Variants in MYO3A observed in about 807,000 individuals in gnomAD.
The protein encoded by MYO3A is myosin-IIIa.
MYO3A carries 180 observed loss-of-function variants against 192.7 expected under a neutral mutation model. The observed-to-expected ratio is 0.93, with a 90% CI of 0.83 to 1.06. MYO3A has a LOEUF of 1.06. Ranked by LOEUF, MYO3A falls within the 50% of genes least tolerant of loss-of-function variation. The pLI is 0.00. For synonymous variants in MYO3A, 628 were observed against 645.3 expected, an observed-to-expected ratio of 0.97 and a Z score of 0.41; for missense variants, 1,896 against 1,905.0, an observed-to-expected ratio of 1.00 and a Z score of 0.09.
At chr10:26,086,290 A>G (rs1836306746) in intron 14 of MYO3A, among the ~76,000 whole-genome samples, 1 of 152,102 alleles carries the variant, frequency 6.6e-6, no homozygotes, top group African/African-American at 2.4e-5. Flanking sequence ...CTCAGTCATT[A>G]TCACAAGAAC....
intron 6 of MYO3A, among the ~76,000 whole-genome samples, chr10:26,011,882 G>A (rs1363321406): frequency 1.3e-5 from 2 of 152,138 alleles, no homozygotes; most frequent in Admixed American, 1.3e-4. Flanking sequence ...CCAACAGCAC[G>A]TCAAGAAGAT....
chr10:26,079,829 G>A (rs1369483523), intron 14 of MYO3A, among the ~76,000 whole-genome samples: 1 of 152,148 alleles, frequency 6.6e-6, no homozygotes, highest in African/African-American at 2.4e-5. Context: ...TTTTGTTTGA[G>A]GAGGCTGAAG....
chr10:26,123,323 G>A (rs867998562), intron 18 of MYO3A, among the ~76,000 whole-genome samples: 1 of 152,054 alleles, frequency 6.6e-6, no homozygotes, highest in Non-Finnish European at 1.5e-5. Flanking sequence ...ATATATCAAA[G>A]CATTTCTTTA....
intron 4 of MYO3A, among the ~76,000 whole-genome samples, chr10:25,979,675 C>CACATAAT (rs1839193528): frequency 6.6e-6 from 1 of 152,042 alleles, no homozygotes; most frequent in African/African-American, 2.4e-5. Context: ...ATTCTTTTAC[C>CACATAAT]ACATAACTAT....
At chr10:26,185,728 C>T (rs1842837240) in intron 31 of MYO3A, among the ~76,000 whole-genome samples, 2 of 152,088 alleles carry the variant, frequency 1.3e-5, no homozygotes, top group African/African-American at 4.8e-5. Flanking sequence ...TCTCAACCCA[C>T]ATTACTCACC....
intron 14 of MYO3A, among the ~76,000 whole-genome samples, chr10:26,086,597 T>C (rs1546702): frequency 0.47 from 71,932 of 151,654 alleles, 17,875 homozygotes; most frequent in Middle Eastern, 0.58. Flanking sequence ...TTGTGACCCT[T>C]TCGGGAGTGG....
chr10:26,004,188 C>G (rs1313084415), intron 6 of MYO3A, among the ~76,000 whole-genome samples: 1 of 152,034 alleles, frequency 6.6e-6, no homozygotes, highest in Non-Finnish European at 1.5e-5. Context: ...AGAAGCACAT[C>G]CATGTAGGGT....
intron 14 of MYO3A, among the ~76,000 whole-genome samples, chr10:26,087,123 C>G (rs779454606): frequency 3.5e-4 from 54 of 152,172 alleles, no homozygotes; most frequent in Admixed American, 5.2e-4. Flanking sequence ...TCTTCCAAAT[C>G]TTACTTAACA....
intron 4 of MYO3A, among the ~76,000 whole-genome samples, chr10:25,967,589 G>A (rs1838343567): frequency 6.6e-6 from 1 of 152,114 alleles, no homozygotes; most frequent in Non-Finnish European, 1.5e-5. Context: ...GAAGATTCAG[G>A]AATATGCAGC....
intron 6 of MYO3A, among the ~76,000 whole-genome samples, chr10:26,015,540 CTT>C (rs1458708723): frequency 5.9e-5 from 9 of 152,114 alleles, no homozygotes; most frequent in African/African-American, 2.2e-4. Context: ...AGAAGAGTGA[CTT>C]TTCTTTCCAG....
intron 10 of MYO3A, among the ~76,000 whole-genome samples, chr10:26,048,364 T>C (rs555051186): frequency 2.6e-5 from 4 of 152,270 alleles, no homozygotes; most frequent in African/African-American, 9.6e-5. Flanking sequence ...TGTTTTTTTT[T>C]TTTAAGCGAA....
chr10:25,971,976 G>T (rs1319818469), intron 4 of MYO3A, among the ~76,000 whole-genome samples: 2 of 152,090 alleles, frequency 1.3e-5, no homozygotes, highest in African/African-American at 4.8e-5. Context: ...CCAAGTAGCT[G>T]GGACTACATG....
intron 4 of MYO3A, among the ~76,000 whole-genome samples, chr10:25,990,626 A>G (rs565731654): frequency 9.2e-5 from 14 of 151,564 alleles, no homozygotes; most frequent in Admixed American, 2.6e-4. Flanking sequence ...CTCGTCATTT[A>G]CATTAGGTAT....
intron 29 of MYO3A, among the ~76,000 whole-genome samples, chr10:26,171,581 G>C (rs1287591889): frequency 2.6e-5 from 4 of 152,074 alleles, no homozygotes; most frequent in African/African-American, 9.7e-5. Flanking sequence ...AGATACATTT[G>C]GTGTTTTCAG....
At chr10:26,024,148 C>T in intron 9 of MYO3A, 61 bp downstream of exon 9, 1 of 1,442,948 alleles carries the variant, frequency 6.9e-7, no homozygotes, top group Non-Finnish European at 9.7e-7. Flanking sequence ...ACTAAATCTC[C>T]TCCTATTTCT....
intron 4 of MYO3A, among the ~76,000 whole-genome samples, chr10:25,969,055 CG>C (rs1838445939): frequency 6.6e-6 from 1 of 152,130 alleles, no homozygotes; most frequent in African/African-American, 2.4e-5. Context: ...CTGGCTAATA[CG>C]GTGAAACCCC....
intron 4 of MYO3A, among the ~76,000 whole-genome samples, chr10:25,982,815 T>C (rs11813250): frequency 0.046 from 6,996 of 152,224 alleles, 186 homozygotes; most frequent in Non-Finnish European, 0.065. Flanking sequence ...TCCCTGATCT[T>C]CCCTCTGACA....
At chr10:26,015,787 A>G (rs902574109) in intron 6 of MYO3A, among the ~76,000 whole-genome samples, 3 of 152,174 alleles carry the variant, frequency 2.0e-5, no homozygotes, top group Non-Finnish European at 4.4e-5. Flanking sequence ...TATATTTCCA[A>G]TACTGAAACA....
chr10:26,169,199 T>C (rs1841919452), intron 28 of MYO3A, among the ~76,000 whole-genome samples: 1 of 152,168 alleles, frequency 6.6e-6, no homozygotes, highest in Non-Finnish European at 1.5e-5. Flanking sequence ...ACAATAAGAA[T>C]TTTTTCTACT....
Sources: allele counts gnomAD v4.1 joint callset (sites outside exome capture counted in the v4.1 genomes callset), GRCh38; gene constraint gnomAD v4.1.1; transcripts MANE v1.5; gene names NCBI Gene and HGNC (gene_info 2026-07-23, HGNC 2026-07-21).